Variants in PARD3 observed in about 807,000 individuals in gnomAD.
PARD3 encodes the protein par-3 family cell polarity regulator.
A neutral mutation model predicts 155.4 loss-of-function variants in PARD3; 75 were observed. That is an observed-to-expected ratio of 0.48 (90% CI 0.40 to 0.58). PARD3 has a LOEUF of 0.58. Ranked by LOEUF, PARD3 falls within the 20% of genes least tolerant of loss-of-function variation. The pLI, the probability that PARD3 is intolerant of heterozygous loss-of-function variation, is 0.00. For missense variants in PARD3, 1,642 were observed against 1,721.7 expected, an observed-to-expected ratio of 0.95 and a Z score of 0.82; for synonymous variants, 576 against 610.5, an observed-to-expected ratio of 0.94 and a Z score of 0.83.
rs868019664 is a variant in PARD3, at chr10:34,452,866, C to T, written c.583-2418G>A. Among the ~76,000 whole-genome samples the T allele has an allele frequency of 2.0e-5, 3 of 152,168 alleles. No homozygotes were observed. The South Asian group carries it at 6.2e-4, about 31-fold the overall frequency. ...TAAAACATTTAGAATTAGCTTTACT[C>T]TCTTTCCTCCCTCTTTGATCTCCAC... On this transcript the variant is annotated intron_variant, in intron 4 of 24. Coordinates refer to ENST00000374788, the MANE Select transcript of PARD3 (RefSeq NM_001184785.2).
At chr10:34,413,131 C>A in intron 5 of PARD3, among the ~76,000 whole-genome samples, 1 of 116,568 alleles carries the variant, frequency 8.6e-6, no homozygotes, top group African/African-American at 4.6e-5. Context: ...TTAGGCAGTA[C>A]TTCAGATATA....
In PARD3 at chr10:34,463,628, T is replaced by C. The variant is rs16915752; in HGVS notation, c.582+6457A>G. On this transcript the variant is annotated intron_variant, in intron 4 of 24. Coordinates refer to ENST00000374788, the MANE Select transcript of PARD3 (RefSeq NM_001184785.2). ...AATCTAAGTATGAGAGGAAGTGAAA[T>C]GTCACAAACCCAAATACAGCAAATG... is the stretch of plus-strand genomic sequence containing the variant. Among the ~76,000 whole-genome samples, 906 of 152,112 alleles carry C rather than the reference T, an allele frequency of 6.0e-3. 10 individuals are homozygous for C. Among genetic ancestry groups the C allele is most frequent in the African/African-American group, 0.021 (869 of 41,500 alleles).
Position 34,162,315 on chromosome 10 carries a change from A to AG in PARD3, c.3420-30733dup, listed in dbSNP as rs200682566. Among the ~76,000 whole-genome samples the AG allele has an allele frequency of 4.8e-3, 727 of 152,224 alleles. 15 individuals carry two copies. Among genetic ancestry groups the AG allele is most frequent in the Admixed American group, 0.031 (481 of 15,286 alleles). Reference sequence around the variant, plus strand: ...TAGAAGCCCTCGTATTCAACTGTTAAGGGGGGCAACTGGCAACCTGCTTTC... The same window carrying AG: ...TAGAAGCCCTCGTATTCAACTGTTAAGGGGGGGCAACTGGCAACCTGCTTTC... On this transcript the variant is annotated intron_variant, in intron 22 of 24. Coordinates refer to ENST00000374788, the MANE Select transcript of PARD3 (RefSeq NM_001184785.2).
intron 1 of PARD3, among the ~76,000 whole-genome samples, chr10:34,716,596 T>C (rs1224446363): frequency 1.4e-5 from 2 of 142,868 alleles, no homozygotes; most frequent in South Asian, 2.3e-4. Flanking sequence ...TTTTTTTTTT[T>C]TTTTTTTTTT....
At chr10:34,600,962 ATTTTTTTTTTTTTTTTT>A (rs1028271994) in intron 2 of PARD3, among the ~76,000 whole-genome samples, 1 of 90,066 alleles carries the variant, frequency 1.1e-5, no homozygotes, top group Admixed American at 1.4e-4. Context: ...CATTTTTTTA[ATTTTTTTTTTTTTTTTT>A]TTTTTTTTTT....
At chr10:34,356,682 A>T (rs1001553151) in intron 14 of PARD3, among the ~76,000 whole-genome samples, 5 of 152,204 alleles carry the variant, frequency 3.3e-5, no homozygotes, top group African/African-American at 7.2e-5. Context: ...CATAATTTAC[A>T]CATACCCTCC....
At chr10:34,302,985 C>G (rs1406335543) in intron 20 of PARD3, among the ~76,000 whole-genome samples, 1 of 151,896 alleles carries the variant, frequency 6.6e-6, no homozygotes, top group Non-Finnish European at 1.5e-5. Context: ...GTAGGCACTC[C>G]AGTAAATATT....
chr10:34,200,207 T>C (rs1951146072), intron 22 of PARD3, among the ~76,000 whole-genome samples: 1 of 152,184 alleles, frequency 6.6e-6, no homozygotes, highest in Admixed American at 6.5e-5. Context: ...TAATTCTTCT[T>C]TCATGGAAGA....
At chr10:34,784,049 A>C (rs1188462589) in intron 1 of PARD3, among the ~76,000 whole-genome samples, 5 of 151,950 alleles carry the variant, frequency 3.3e-5, no homozygotes, top group African/African-American at 1.2e-4. Flanking sequence ...CTCTACAAAA[A>C]ACTTCTTAAA....
chr10:34,680,620 A>G (rs1387999753), intron 2 of PARD3, among the ~76,000 whole-genome samples: 1 of 151,800 alleles, frequency 6.6e-6, no homozygotes, highest in Non-Finnish European at 1.5e-5. Flanking sequence ...AGATAAAGAA[A>G]GAAAACGTTC....
intron 3 of PARD3, among the ~76,000 whole-genome samples, chr10:34,502,181 C>T (rs1176154476): frequency 6.6e-6 from 1 of 152,182 alleles, no homozygotes; most frequent in Non-Finnish European, 1.5e-5. Flanking sequence ...TGGACTTAGA[C>T]AGTGGGCTCA....
chr10:34,241,099 A>C (rs1399834283), intron 22 of PARD3, among the ~76,000 whole-genome samples: 1 of 152,210 alleles, frequency 6.6e-6, no homozygotes, highest in Non-Finnish European at 1.5e-5. Context: ...GCAATGTGAG[A>C]TATGGATCTA....
intron 22 of PARD3, among the ~76,000 whole-genome samples, chr10:34,174,666 A>C (rs1012906629): frequency 6.6e-6 from 1 of 152,178 alleles, no homozygotes; most frequent in Non-Finnish European, 1.5e-5. Flanking sequence ...GAAGATGATA[A>C]TTTTTCAAAC....
chr10:34,510,863 A>G (rs2081360461), intron 3 of PARD3, among the ~76,000 whole-genome samples: 1 of 152,232 alleles, frequency 6.6e-6, no homozygotes, highest in African/African-American at 2.4e-5. Flanking sequence ...ACTAAAAGGT[A>G]AAGGTTCTTT....
intron 2 of PARD3, among the ~76,000 whole-genome samples, chr10:34,653,794 CAAAA>C (rs55894819): frequency 6.9e-5 from 9 of 130,278 alleles, no homozygotes; most frequent in Non-Finnish European, 8.0e-5. Flanking sequence ...ACCTCGACTC[CAAAA>C]AAAAAAAAAA....
intron 22 of PARD3, among the ~76,000 whole-genome samples, chr10:34,258,006 G>A (rs1055830491): frequency 2.6e-5 from 4 of 152,142 alleles, no homozygotes; most frequent in African/African-American, 7.2e-5. Context: ...AAAGAGCCAC[G>A]TAATTCACCC....
At chr10:34,624,039 C>G (rs2091852418) in intron 2 of PARD3, among the ~76,000 whole-genome samples, 2 of 152,006 alleles carry the variant, frequency 1.3e-5, no homozygotes, top group African/African-American at 4.8e-5. Flanking sequence ...GTCCCAGGCA[C>G]CAGCTGCCTG....
At chr10:34,776,833 T>TG (rs1839596455) in intron 1 of PARD3, among the ~76,000 whole-genome samples, 1 of 9,916 alleles carries the variant, frequency 1.0e-4, no homozygotes, top group South Asian at 3.5e-3. Flanking sequence ...CGTGTTTTTT[T>TG]GTGGGGGGGG....
At chr10:34,277,120 T>C (rs1003332311) in intron 21 of PARD3, among the ~76,000 whole-genome samples, 10 of 152,182 alleles carry the variant, frequency 6.6e-5, no homozygotes, top group Non-Finnish European at 1.2e-4. Context: ...AGTTCGTGGA[T>C]CTTTTTCCAA....
Sources: allele counts gnomAD v4.1 joint callset (sites outside exome capture counted in the v4.1 genomes callset), GRCh38; gene constraint gnomAD v4.1.1; transcripts MANE v1.5; gene names NCBI Gene and HGNC (gene_info 2026-07-23, HGNC 2026-07-21).